TUSC3: variants seen among roughly 807,000 people sequenced by gnomAD.
The protein encoded by TUSC3 is dolichyl-diphosphooligosaccharide--protein glycosyltransferase subunit TUSC3.
Under a neutral mutation model 44.8 loss-of-function variants are expected in TUSC3, and 45 were observed. The observed-to-expected ratio is 1.00, with a 90% confidence interval of 0.79 to 1.29. The LOEUF is 1.29. Ranked by LOEUF, TUSC3 falls within the 50% of genes most tolerant of loss-of-function variation. The pLI, the probability that TUSC3 is intolerant of heterozygous loss-of-function variation, is 0.00. For synonymous variants in TUSC3, 212 were observed against 152.9 expected (o/e 1.39, Z -2.85); for missense variants, 519 against 437.9 (o/e 1.19, Z -1.65).
intron 1 of TUSC3, among the ~76,000 whole-genome samples, chr8:15,459,807 C>A (rs942673797): frequency 6.6e-6 from 1 of 151,780 alleles, no homozygotes; most frequent in Non-Finnish European, 1.5e-5. Flanking sequence ...AATTCATTCC[C>A]TTTTATGGCT....
chr8:15,485,968 A>G (rs910459036), intron 2 of TUSC3, among the ~76,000 whole-genome samples: 3 of 151,564 alleles, frequency 2.0e-5, no homozygotes, highest in African/African-American at 7.3e-5. Context: ...TTTTTTTTGT[A>G]TATTTAGTAG....
intron 1 of TUSC3, among the ~76,000 whole-genome samples, chr8:15,585,484 C>A (rs1226278209): frequency 6.6e-6 from 1 of 152,038 alleles, no homozygotes; most frequent in Non-Finnish European, 1.5e-5. Context: ...GAAGAGGGGA[C>A]CTGGGAGAGG....
At chr8:15,438,108 T>A (rs1173118682) in intron 1 of TUSC3, among the ~76,000 whole-genome samples, 29 of 152,084 alleles carry the variant, frequency 1.9e-4, no homozygotes, top group Admixed American at 1.8e-3. Flanking sequence ...TTTTGTTGGG[T>A]TTTTTGAGAC....
chr8:15,701,290 T>C (rs73665480), intron 6 of TUSC3, among the ~76,000 whole-genome samples: 10,876 of 152,164 alleles, frequency 0.071, 477 homozygotes, highest in East Asian at 0.21. Context: ...GCCACTGTTA[T>C]GATTTTTATC....
At chr8:15,799,519 C>A in the TUSC3 span, among the ~76,000 whole-genome samples, 1 of 152,146 alleles carries the variant, frequency 6.6e-6, no homozygotes, top group African/African-American at 2.4e-5. Flanking sequence ...TGTTTTGAAC[C>A]TGCTTCCTGG....
chr8:15,653,931 A>G lies in TUSC3; in HGVS notation c.426+3117A>G, dbSNP rs942398687. ...TAGCTTGTTGGGGACTCACTGGGGA[A>G]GTAACTTCAATTATATGTGATTCCC... On this transcript the variant is annotated intron_variant, in intron 3 of 10. Transcript: ENST00000503731. 2.6e-5 allele frequency among the ~76,000 whole-genome samples: 4 copies of G among 152,250 alleles called. No individual in the cohort carries two copies. The East Asian group carries it at 7.8e-4, about 30-fold the overall frequency.
At chr8:15,673,255 G>A (rs1316644132) in intron 5 of TUSC3, among the ~76,000 whole-genome samples, 2 of 152,036 alleles carry the variant, frequency 1.3e-5, no homozygotes, top group South Asian at 2.1e-4. Context: ...TGAATTTACT[G>A]TGTCGTAAAC....
chr8:15,435,793 A>C (rs1382237358), intron 1 of TUSC3, among the ~76,000 whole-genome samples: 1 of 152,228 alleles, frequency 6.6e-6, no homozygotes, highest in Admixed American at 6.5e-5. Flanking sequence ...ATAGCGTTGC[A>C]ATTTCCATAT....
rs191065688 is a variant in TUSC3, at chr8:15,552,915, T to C, written c.138+12347T>C. Among the ~76,000 whole-genome samples, 171 of 151,636 alleles carry C rather than the reference T, an allele frequency of 1.1e-3. 1 individual carries two copies. Among genetic ancestry groups the C allele is most frequent in the African/African-American group, 4.0e-3 (166 of 41,440 alleles). ...AGTGAGAGGTAATGATGACTTGAAA[T>C]TAGTTGTGGCAGTGAGAATGAAGAA... On this transcript the variant is annotated intron_variant, in intron 1 of 10. Coordinates refer to ENST00000503731, the MANE Select transcript of TUSC3 (RefSeq NM_006765.4).
chr8:15,760,113 T>C (rs1585312810), intron 10 of TUSC3, among the ~76,000 whole-genome samples: 1 of 152,182 alleles, frequency 6.6e-6, no homozygotes, highest in Admixed American at 6.6e-5. Context: ...TATTTTAAGA[T>C]ATGCGCTGAT....
intron 2 of TUSC3, among the ~76,000 whole-genome samples, chr8:15,491,011 T>A (rs146927979): frequency 1.9e-4 from 29 of 152,190 alleles, no homozygotes; most frequent in Non-Finnish European, 3.8e-4. Context: ...GGACATACGG[T>A]TGCTTCCTTT....
In TUSC3 at chr8:15,668,050, G is replaced by A. The variant is rs947022679; in HGVS notation, c.709-5697G>A. ...GTGGTTATGTTCAGTTGTGTTTATT[G>A]AATGCTTGCCTGCTATATAAATGCT... On this transcript the variant is annotated intron_variant, in intron 5 of 10. Transcript: ENST00000503731. Among the ~76,000 whole-genome samples the A allele has an allele frequency of 1.5e-4, 23 of 151,818 alleles. 1 individual carries two copies. The highest frequency in any genetic ancestry group is 3.4e-3 in the Middle Eastern group (1 of 294).
intron 1 of TUSC3, among the ~76,000 whole-genome samples, chr8:15,475,099 A>G (rs1800557863): frequency 1.3e-5 from 2 of 152,136 alleles, no homozygotes. Flanking sequence ...CTGCTACATG[A>G]TAATAACAGC....
chr8:15,807,476 A>G, the TUSC3 span, among the ~76,000 whole-genome samples: 1 of 152,100 alleles, frequency 6.6e-6, no homozygotes, highest in Non-Finnish European at 1.5e-5. Context: ...GTCTCAAAGA[A>G]TGTAAAACAG....
chr8:15,808,177 A>C, the TUSC3 span, among the ~76,000 whole-genome samples: 1 of 152,178 alleles, frequency 6.6e-6, no homozygotes, highest in Non-Finnish European at 1.5e-5. Context: ...TTTGAGTAAC[A>C]ATTACCTGCA....
chr8:15,473,057 T>G (rs1462103710), intron 1 of TUSC3, among the ~76,000 whole-genome samples: 2 of 152,178 alleles, frequency 1.3e-5, no homozygotes, highest in African/African-American at 4.8e-5. Flanking sequence ...CTTCATGAAG[T>G]TGGATGGAAA....
chr8:15,757,595 G>A lies in TUSC3; in HGVS notation c.1029-196G>A, dbSNP rs563654545. ...ATGCTGAGTCCTGGCTTTGTAAAAT[G>A]ACTTATAAAGGTCCAAGGATTTAGA... On this transcript the variant is annotated intron_variant, in intron 9 of 10. Transcript: ENST00000503731. Among the ~76,000 whole-genome samples the A allele has an allele frequency of 2.0e-5, 3 of 152,268 alleles. No homozygotes were observed. The South Asian group carries it at 6.2e-4, about 32-fold the overall frequency.
chr8:15,759,487 A>T (rs952297404), intron 10 of TUSC3, among the ~76,000 whole-genome samples: 6 of 151,636 alleles, frequency 4.0e-5, no homozygotes, highest in Non-Finnish European at 7.4e-5. Flanking sequence ...CAAGATAAAT[A>T]AAAAAAACAA....
rs375918024 is a variant in TUSC3 at position 15,567,764 on chromosome 8, T to A, written c.138+27196T>A. 2.6e-4 allele frequency among the ~76,000 whole-genome samples: 39 copies of A among 152,280 alleles called. 1 individual carries two copies. The East Asian group carries it at 5.0e-3, about 20-fold the overall frequency. On this transcript the variant is annotated intron_variant, in intron 1 of 10. Transcript: ENST00000503731. ...TGGAATGTAACAAATGGTTTTTGCC[T>A]CTCTACAAAATTTTGTGGTTATTGT...
Sources: allele counts gnomAD v4.1 joint callset (sites outside exome capture counted in the v4.1 genomes callset), GRCh38; gene constraint gnomAD v4.1.1; transcripts MANE v1.5; gene names NCBI Gene and HGNC (gene_info 2026-07-23, HGNC 2026-07-21).